The following CNTN6 variants were observed in gnomAD, a reference collection of about 807,000 sequenced individuals.
CNTN6 encodes the protein contactin 6, also known as contactin-6.
CNTN6 carries 137 observed loss-of-function variants against 122.8 expected under a neutral mutation model. The observed-to-expected ratio is 1.12, with a 90% CI of 0.97 to 1.29. CNTN6 has a LOEUF of 1.29. CNTN6 is among the 50% of genes most tolerant of loss of function. The pLI, the probability that CNTN6 is intolerant of heterozygous loss-of-function variation, is 0.00. For missense variants in CNTN6, 1,634 were observed against 1,223.4 expected (o/e 1.34, Z -5.01); for synonymous variants, 570 against 426.0 (o/e 1.34, Z -4.16).
chr3:1,370,363 G>A (rs116148113), intron 12 of CNTN6, among the ~76,000 whole-genome samples: 139 of 152,098 alleles, frequency 9.1e-4, no homozygotes, highest in African/African-American at 3.2e-3. Flanking sequence ...TGTGGGGAGC[G>A]GGGAGGGATA....
intron 11 of CNTN6, among the ~76,000 whole-genome samples, chr3:1,342,849 G>A (rs1216541793): frequency 6.6e-6 from 1 of 152,100 alleles, no homozygotes; most frequent in African/African-American, 2.4e-5. Context: ...CTAGTGATTT[G>A]AATGTAGAGT....
chr3:1,095,103 A>T lies in CNTN6; in HGVS notation c.-83+1983A>T, dbSNP rs898385338. On this transcript the variant is annotated intron_variant, in intron 1 of 22. Transcript: ENST00000446702. ...ACTATACACCTTTTAAAAAATAAAT[A>T]ATAAATATTTAGATAATATAGTCAA... is the stretch of plus-strand genomic sequence containing the variant. 2.6e-5 allele frequency among the ~76,000 whole-genome samples: 4 copies of T among 152,078 alleles called. No homozygotes were observed. The East Asian group carries it at 7.7e-4, about 29-fold the overall frequency.
intron 10 of CNTN6, 52 bp from the exon 11 acceptor site, chr3:1,329,733 A>T (rs1478382445): frequency 6.7e-7 from 1 of 1,499,138 alleles, no homozygotes; most frequent in Non-Finnish European, 9.1e-7. Flanking sequence ...CCCTGGAGTC[A>T]CTACATGTTA....
chr3:1,262,934 AAAAT>A (rs1464574806), intron 4 of CNTN6, among the ~76,000 whole-genome samples: 19 of 152,136 alleles, frequency 1.2e-4, no homozygotes, highest in African/African-American at 4.6e-4. Context: ...AAATAACTAA[AAAAT>A]AAATAAATGT....
At chr3:1,301,684 A>G (rs1055419037) in intron 7 of CNTN6, among the ~76,000 whole-genome samples, 5 of 152,192 alleles carry the variant, frequency 3.3e-5, no homozygotes, top group African/African-American at 7.2e-5. Context: ...TAGAATTGAA[A>G]TACCTTGTGG....
At chr3:1,153,991 T>C (rs1200823673) in intron 2 of CNTN6, among the ~76,000 whole-genome samples, 1 of 152,174 alleles carries the variant, frequency 6.6e-6, no homozygotes, top group Non-Finnish European at 1.5e-5. Context: ...CCTTTAAGAA[T>C]GGAACACCAG....
At chr3:1,207,158 C>A (rs1198634111) in intron 2 of CNTN6, among the ~76,000 whole-genome samples, 1 of 152,070 alleles carries the variant, frequency 6.6e-6, no homozygotes, top group African/African-American at 2.4e-5. Flanking sequence ...AAACCAAAGT[C>A]TTTGTCCTCC....
chr3:1,103,304 C>G (rs1415138674), intron 1 of CNTN6, among the ~76,000 whole-genome samples: 1 of 152,052 alleles, frequency 6.6e-6, no homozygotes, highest in Non-Finnish European at 1.5e-5. Flanking sequence ...TTTGACAGCC[C>G]TATATATAAA....
intron 5 of CNTN6, among the ~76,000 whole-genome samples, chr3:1,293,509 G>A (rs1009752355): frequency 6.6e-6 from 1 of 152,112 alleles, no homozygotes; most frequent in South Asian, 2.1e-4. Flanking sequence ...CTTCCCAGCT[G>A]AGGAAGCCTA....
intron 2 of CNTN6, among the ~76,000 whole-genome samples, chr3:1,188,576 G>A (rs1374900641): frequency 1.3e-5 from 2 of 152,152 alleles, no homozygotes. Flanking sequence ...AAAAAGGCAA[G>A]TTTATCAATT....
At chr3:1,283,328 G>C (rs1693794148) in intron 5 of CNTN6, among the ~76,000 whole-genome samples, 1 of 152,084 alleles carries the variant, frequency 6.6e-6, no homozygotes, top group Admixed American at 6.6e-5. Flanking sequence ...GCTGAACTTT[G>C]AGCTGTATGC....
At chr3:1,119,041 A>G (rs1365297730) in intron 1 of CNTN6, among the ~76,000 whole-genome samples, 4 of 152,108 alleles carry the variant, frequency 2.6e-5, no homozygotes, top group Non-Finnish European at 5.9e-5. Flanking sequence ...CTTTCTAACT[A>G]CTTAGGGAAG....
At chr3:1,346,689 G>A (rs1384370382) in intron 11 of CNTN6, among the ~76,000 whole-genome samples, 1 of 152,064 alleles carries the variant, frequency 6.6e-6, no homozygotes. Context: ...AAATTACTGA[G>A]TCTCAGGGAG....
intron 12 of CNTN6, among the ~76,000 whole-genome samples, chr3:1,358,458 ATT>A (rs34913678): frequency 4.7e-4 from 68 of 144,758 alleles, no homozygotes; most frequent in African/African-American, 5.0e-4. Context: ...CTCTAGGGCC[ATT>A]TTTTTTTTTT....
intron 11 of CNTN6, among the ~76,000 whole-genome samples, chr3:1,345,598 AC>A (rs1324059694): frequency 2.6e-5 from 4 of 152,216 alleles, no homozygotes; most frequent in Non-Finnish European, 5.9e-5. Context: ...CATAGATATT[AC>A]ACATTAACTA....
At chr3:1,313,830 T>C (rs1699734779) in intron 7 of CNTN6, among the ~76,000 whole-genome samples, 1 of 152,046 alleles carries the variant, frequency 6.6e-6, no homozygotes, top group African/African-American at 2.4e-5. Flanking sequence ...AACAGCAGAC[T>C]TAGTGTTTGG....
chr3:1,133,411 G>T (rs1479432658), intron 1 of CNTN6, among the ~76,000 whole-genome samples: 1 of 152,116 alleles, frequency 6.6e-6, no homozygotes, highest in Non-Finnish European at 1.5e-5. Flanking sequence ...TTCTAAGCAG[G>T]TTATATGAGT....
In CNTN6 at chr3:1,122,791, T is replaced by C. The variant is rs914129498; in HGVS notation, c.-82-25136T>C. Among the ~76,000 whole-genome samples the C allele has an allele frequency of 2.0e-5, 3 of 151,916 alleles. 1 individual carries two copies. Among genetic ancestry groups the C allele is most frequent in the Non-Finnish European group, 4.4e-5 (3 of 67,900 alleles). On this transcript the variant is annotated intron_variant, in intron 1 of 22. Coordinates refer to ENST00000446702, the MANE Select transcript of CNTN6 (RefSeq NM_001289080.2). ...GCGTGTGTCAGAACCTCATTGCTCT[T>C]TATGGCTGAATAATATTCCATTTTA...
chr3:1,318,186 CTCTTT>C (rs1389171887), intron 7 of CNTN6, among the ~76,000 whole-genome samples: 1 of 151,656 alleles, frequency 6.6e-6, no homozygotes, highest in Non-Finnish European at 1.5e-5. Flanking sequence ...ATTTTCTTGT[CTCTTT>C]TAAGTCTCAT....
Sources: allele counts gnomAD v4.1 joint callset (sites outside exome capture counted in the v4.1 genomes callset), GRCh38; gene constraint gnomAD v4.1.1; transcripts MANE v1.5; gene names NCBI Gene and HGNC (gene_info 2026-07-23, HGNC 2026-07-21).